Variants in MIR2052HG observed in about 807,000 individuals in gnomAD.
MIR2052HG encodes the protein MIR2052 host gene.
intron 2 of MIR2052HG, among the ~76,000 whole-genome samples, chr8:74,685,116 A>G (rs1030964276): frequency 6.6e-6 from 1 of 152,076 alleles, no homozygotes; most frequent in Non-Finnish European, 1.5e-5. Flanking sequence ...GTTTTAATAT[A>G]ATATCTGATA....
chr8:74,658,032 G>A (rs142911142), intron 2 of MIR2052HG, among the ~76,000 whole-genome samples: 1 of 152,270 alleles, frequency 6.6e-6, no homozygotes, highest in East Asian at 1.9e-4. Context: ...CTCCAATCAT[G>A]TTATTTCCTG....
intron 2 of MIR2052HG, among the ~76,000 whole-genome samples, chr8:74,615,981 A>G (rs1808276855): frequency 6.6e-6 from 1 of 152,052 alleles, no homozygotes; most frequent in Non-Finnish European, 1.5e-5. Flanking sequence ...CATGGTGTAT[A>G]TGTGCCACAT....
At chr8:74,624,082 T>A (rs139526150) in intron 2 of MIR2052HG, among the ~76,000 whole-genome samples, 88 of 152,312 alleles carry the variant, frequency 5.8e-4, no homozygotes, top group Non-Finnish European at 8.8e-4. Flanking sequence ...ATATTTTAGT[T>A]TTACCAAGAG....
chr8:74,705,760 A>T (rs987518497), intron 4 of MIR2052HG: 13 of 170,156 alleles, frequency 7.6e-5, no homozygotes, highest in African/African-American at 3.1e-4. Flanking sequence ...TGCAGTCCAT[A>T]GCAGACTAAC....
At chr8:74,694,361 G>A (rs1330078585) in intron 2 of MIR2052HG, among the ~76,000 whole-genome samples, 1 of 152,158 alleles carries the variant, frequency 6.6e-6, no homozygotes, top group Non-Finnish European at 1.5e-5. Context: ...CTGAACAGTA[G>A]CCTTTAAGCC....
intron 2 of MIR2052HG, among the ~76,000 whole-genome samples, chr8:74,660,800 G>T (rs1808854840): frequency 1.5e-5 from 2 of 132,394 alleles, no homozygotes; most frequent in African/African-American, 3.2e-5. Flanking sequence ...CTTCCTAAGA[G>T]CCCTGAAATA....
At chr8:74,602,202 A>G (rs1808010268) in intron 1 of MIR2052HG, among the ~76,000 whole-genome samples, 1 of 152,144 alleles carries the variant, frequency 6.6e-6, no homozygotes, top group Non-Finnish European at 1.5e-5. Flanking sequence ...ACCTTCCAAA[A>G]CCAAGATGGT....
In MIR2052HG at chr8:74,623,714, T is replaced by A. The variant is rs1282383715; in HGVS notation, n.216+10774T>A. Among the ~76,000 whole-genome samples, 6 of 152,180 alleles carry A rather than the reference T, an allele frequency of 3.9e-5. No homozygotes were observed. The South Asian group carries it at 1.2e-3, about 32-fold the overall frequency. ...AGACTTGAGAAGGCTAGGTGTGTAT[T>A]CAGTATGACAAAGATGCGAAAAGAA... On this transcript the variant is annotated intron_variant and non_coding_transcript_variant, in intron 2 of 6. Transcript: ENST00000523442.
At chr8:74,668,480 G>C (rs1808956168) in intron 2 of MIR2052HG, among the ~76,000 whole-genome samples, 1 of 152,158 alleles carries the variant, frequency 6.6e-6, no homozygotes, top group African/African-American at 2.4e-5. Context: ...TAGAGCAGTT[G>C]TTTTGCTGTG....
At chr8:74,655,537 C>T (rs1004931802) in intron 2 of MIR2052HG, among the ~76,000 whole-genome samples, 3 of 152,206 alleles carry the variant, frequency 2.0e-5, no homozygotes, top group African/African-American at 7.2e-5. Flanking sequence ...AGCCCTAAAC[C>T]TTGGCAGCTT....
At chr8:74,691,559 T>C (rs557665038) in intron 2 of MIR2052HG, among the ~76,000 whole-genome samples, 2 of 152,310 alleles carry the variant, frequency 1.3e-5, no homozygotes, top group Admixed American at 6.5e-5. Flanking sequence ...TAAATAGAGC[T>C]GGGAGCTGCG....
intron 2 of MIR2052HG, among the ~76,000 whole-genome samples, chr8:74,667,144 C>T (rs1367760623): frequency 2.6e-5 from 4 of 152,176 alleles, no homozygotes; most frequent in Non-Finnish European, 5.9e-5. Flanking sequence ...GGTTTGTTGT[C>T]TCCTGGTCAA....
chr8:74,651,840 G>C (rs1808756189), intron 2 of MIR2052HG, among the ~76,000 whole-genome samples: 1 of 152,164 alleles, frequency 6.6e-6, no homozygotes, highest in South Asian at 2.1e-4. Context: ...ACAGACCTTG[G>C]TATGTGAAAT....
chr8:74,654,265 A>G (rs75363966), intron 2 of MIR2052HG, among the ~76,000 whole-genome samples: 4 of 152,122 alleles, frequency 2.6e-5, no homozygotes, highest in Non-Finnish European at 5.9e-5. Flanking sequence ...TCTTCTTCTC[A>G]TGAGGAATCT....
intron 2 of MIR2052HG, among the ~76,000 whole-genome samples, chr8:74,645,220 G>A (rs939982720): frequency 6.6e-6 from 1 of 151,532 alleles, no homozygotes; most frequent in Admixed American, 6.6e-5. Flanking sequence ...GGTGACCTTG[G>A]TAAATAAAAA....
intron 4 of MIR2052HG, among the ~76,000 whole-genome samples, chr8:74,742,917 G>A (rs1311399445): frequency 6.6e-6 from 1 of 152,054 alleles, no homozygotes; most frequent in Non-Finnish European, 1.5e-5. Context: ...CTTATTCTGG[G>A]AATCCCTTGG....
chr8:74,661,651 T>A (rs1341826039), intron 2 of MIR2052HG, among the ~76,000 whole-genome samples: 1 of 152,220 alleles, frequency 6.6e-6, no homozygotes, highest in Non-Finnish European at 1.5e-5. Flanking sequence ...TAATGATTTC[T>A]TCCACATGTT....
chr8:74,698,893 G>A (rs116834108), intron 2 of MIR2052HG, among the ~76,000 whole-genome samples: 2,784 of 151,886 alleles, frequency 0.018, 71 homozygotes, highest in African/African-American at 0.063. Context: ...CAAGTATCCT[G>A]GAACTTAAAG....
chr8:74,668,484 T>C (rs1808956203), intron 2 of MIR2052HG, among the ~76,000 whole-genome samples: 2 of 152,210 alleles, frequency 1.3e-5, no homozygotes, highest in East Asian at 3.9e-4. Context: ...GCAGTTGTTT[T>C]GCTGTGTCAC....
Sources: gnomAD v4.1 joint callset for allele counts (sites outside exome capture counted in the v4.1 genomes callset) on GRCh38, gnomAD v4.1.1 for gene constraint, MANE v1.5 for transcripts, NCBI Gene and HGNC (gene_info 2026-07-23, HGNC 2026-07-21) for gene names.